The following RHEB variants were observed in gnomAD, a reference collection of about 807,000 sequenced individuals.
The protein encoded by RHEB is GTP-binding protein Rheb.
In RHEB, 2 loss-of-function variants were observed where a neutral mutation model predicts 28.8. The observed-to-expected ratio is 0.07, with a 90% confidence interval of 0.03 to 0.22. The LOEUF (loss-of-function observed/expected upper bound fraction) is 0.22. Ranked by LOEUF, RHEB falls within the 10% of genes least tolerant of loss-of-function variation. The pLI, the probability that RHEB is intolerant of heterozygous loss-of-function variation, is 1.00. For missense variants in RHEB, 76 were observed against 219.9 expected (o/e 0.35, Z 4.14); for synonymous variants, 69 against 77.3 (o/e 0.89, Z 0.56).
At chr7:151,512,158 C>G (rs1011139206) in intron 1 of RHEB, among the ~76,000 whole-genome samples, 4 of 152,204 alleles carry the variant, frequency 2.6e-5, no homozygotes, top group Non-Finnish European at 5.9e-5. Flanking sequence ...CTCTCACTTG[C>G]ACAATCATGT....
In RHEB at chr7:151,468,654, G is replaced by T. The variant is rs948825205; in HGVS notation, c.463-1443C>A. ...GAAAACAGAAGCCACATTCATGAAA[G>T]AACTCCACATCCTCCATCCACCAAG... On this transcript the variant is annotated intron_variant, in intron 7 of 7. Transcript: ENST00000262187. The surrounding 1 kb of genome is among the most constrained non-coding windows in gnomAD (Gnocchi z 4.3). Among the ~76,000 whole-genome samples, 1 of 152,234 alleles carries T rather than the reference G, an allele frequency of 6.6e-6. No individual in the cohort carries two copies. Among genetic ancestry groups the T allele is most frequent in the African/African-American group, 2.4e-5 (1 of 41,472 alleles).
At chr7:151,510,486 T>C (rs1563101740) in intron 1 of RHEB, among the ~76,000 whole-genome samples, 1 of 152,242 alleles carries the variant, frequency 6.6e-6, no homozygotes, top group Admixed American at 6.5e-5. Flanking sequence ...GCATTAAGAT[T>C]GTACCCCATA....
intron 3 of RHEB, 45 bp from the exon 4 acceptor site, chr7:151,477,460 CACAA>C (rs750186971): frequency 8.9e-7 from 1 of 1,125,234 alleles, no homozygotes; most frequent in African/African-American, 1.6e-5. Flanking sequence ...CATATAGCAT[CACAA>C]ACAAACTTTA....
intron 1 of RHEB, among the ~76,000 whole-genome samples, chr7:151,505,746 C>A (rs576063192): frequency 3.9e-5 from 6 of 152,114 alleles, no homozygotes; most frequent in Non-Finnish European, 8.8e-5. Context: ...CTGGGATAAC[C>A]CAAATATCCA....
At chr7:151,498,182 T>C in intron 1 of RHEB, 1 of 1,288,066 alleles carries the variant, frequency 7.8e-7, no homozygotes, top group Non-Finnish European at 1.0e-6. Context: ...TTGAGGAACC[T>C]TCAAGGAAAA....
At chr7:151,489,850 G>GA in intron 2 of RHEB, among the ~76,000 whole-genome samples, 1 of 152,242 alleles carries the variant, frequency 6.6e-6, no homozygotes, top group Non-Finnish European at 1.5e-5. Context: ...ATAAAGACAG[G>GA]AAATGGGCCT....
chr7:151,501,591 A>G (rs1423957942), intron 1 of RHEB, among the ~76,000 whole-genome samples: 1 of 152,208 alleles, frequency 6.6e-6, no homozygotes, highest in African/African-American at 2.4e-5. Context: ...TCTCATTCCT[A>G]AGTATTTATG....
At chr7:151,482,388 G>A (rs562478473) in intron 3 of RHEB, among the ~76,000 whole-genome samples, 2 of 152,284 alleles carry the variant, frequency 1.3e-5, no homozygotes, top group South Asian at 2.1e-4. Context: ...AAGGGCATGA[G>A]CCACCATGCC....
intron 1 of RHEB, among the ~76,000 whole-genome samples, chr7:151,513,968 A>G (rs1245869277): frequency 6.6e-6 from 1 of 152,206 alleles, no homozygotes; most frequent in Non-Finnish European, 1.5e-5. Context: ...CAGAAATAAT[A>G]AAGTTAGAGG....
intron 1 of RHEB, among the ~76,000 whole-genome samples, chr7:151,491,752 G>T (rs1018180506): frequency 8.6e-5 from 13 of 151,608 alleles, no homozygotes; most frequent in African/African-American, 2.7e-4. Context: ...AAAAAAAAGG[G>T]TAATCTGAAA....
At chr7:151,484,634 C>T in intron 3 of RHEB, 103 bp downstream of exon 3, 2 of 826,744 alleles carry the variant, frequency 2.4e-6, no homozygotes, top group Non-Finnish European at 4.1e-6. Context: ...TGCACACAAC[C>T]TGAGGGGTTT....
chr7:151,478,937 A>AT lies in RHEB; in HGVS notation c.193-1523dup, dbSNP rs376624954. 2.8e-3 allele frequency among the ~76,000 whole-genome samples: 412 copies of AT among 146,598 alleles called. 2 individuals carry two copies. The highest frequency in any genetic ancestry group is 8.4e-3 in the African/African-American group (341 of 40,472). On this transcript the variant is annotated intron_variant, in intron 3 of 7. Transcript: ENST00000262187. Reference sequence around the variant, plus strand: ...CGTGTGAGCCACTGCACCCAGTCTGATTTTTTTTTTTTGAGACAGTCTCAT... The same window carrying AT: ...CGTGTGAGCCACTGCACCCAGTCTGATTTTTTTTTTTTTGAGACAGTCTCAT...
chr7:151,508,226 C>T (rs1283785297), intron 1 of RHEB, among the ~76,000 whole-genome samples: 1 of 152,118 alleles, frequency 6.6e-6, no homozygotes, highest in Non-Finnish European at 1.5e-5. Context: ...ATGATCAAAA[C>T]TAGTAATAAC....
At position 151,519,838 on chromosome 7, in the gene RHEB, G is replaced by A. The variant is rs1407278621; in HGVS notation, c.-327C>T. The A allele has an allele frequency of 8.5e-6, 2 of 235,948 alleles. No homozygotes were observed. The highest frequency in any genetic ancestry group is 1.6e-5 in the Non-Finnish European group (2 of 121,782). The allele number at this position is 235,948 out of a possible 1,614,324, so 14.6% of individuals were successfully genotyped here. A position where few individuals can be genotyped will look rare whatever the true frequency, so the allele number is the denominator to read the frequency against. On this transcript the variant is annotated 5_prime_UTR_variant, in exon 1 of 8. Transcript: ENST00000262187. Reference sequence around the variant, plus strand: ...TTTTACTTTAAAGGCAAAAAAAGGGGACGCCGCGATGCCCCCAGAAAAGTC... The same window carrying A: ...TTTTACTTTAAAGGCAAAAAAAGGGAACGCCGCGATGCCCCCAGAAAAGTC...
Position 151,466,795 on chromosome 7 carries a change from T to C in RHEB, c.*324A>G, listed in dbSNP as rs1394056385. The C allele has an allele frequency of 4.0e-6, 1 of 250,228 alleles. No individual in the cohort carries two copies. The highest frequency in any genetic ancestry group is 7.7e-6 in the Non-Finnish European group (1 of 129,602). 15.5% of individuals were successfully genotyped at this position (250,228 alleles called of 1,614,324 possible). A position where few individuals can be genotyped will look rare whatever the true frequency, so the allele number is the denominator to read the frequency against. Reference sequence around the variant, plus strand: ...TACTGAAGCCTAGTTAATAGTAGTGTAACAATATGCATCATTTTGATGATT... The same window carrying C: ...TACTGAAGCCTAGTTAATAGTAGTGCAACAATATGCATCATTTTGATGATT... On this transcript the variant is annotated 3_prime_UTR_variant, in exon 8 of 8. Transcript: ENST00000262187.
intron 1 of RHEB, among the ~76,000 whole-genome samples, chr7:151,497,368 G>A (rs1263103679): frequency 1.3e-5 from 2 of 152,158 alleles, no homozygotes; most frequent in Non-Finnish European, 1.5e-5. Context: ...ATTCCAGAAT[G>A]GAAGTATGAA....
At chr7:151,483,337 C>A (rs1455501499) in intron 3 of RHEB, among the ~76,000 whole-genome samples, 1 of 152,194 alleles carries the variant, frequency 6.6e-6, no homozygotes, top group African/African-American at 2.4e-5. Flanking sequence ...CCAATTTCCC[C>A]AGATTCCAGA....
intron 1 of RHEB, among the ~76,000 whole-genome samples, chr7:151,506,484 G>T (rs1802882345): frequency 6.6e-6 from 1 of 152,024 alleles, no homozygotes; most frequent in Non-Finnish European, 1.5e-5. Flanking sequence ...GCTTTGTGAG[G>T]ATTAAATGAA....
intron 7 of RHEB, among the ~76,000 whole-genome samples, chr7:151,467,586 C>T (rs1452590084): frequency 2.0e-5 from 3 of 152,122 alleles, no homozygotes; most frequent in African/African-American, 7.2e-5. Flanking sequence ...TCCTTTCCTA[C>T]GGGACATACT....
Sources: allele counts gnomAD v4.1 joint callset (sites outside exome capture counted in the v4.1 genomes callset), GRCh38; gene constraint gnomAD v4.1.1; non-coding constraint Gnocchi (gnomAD v3.1); transcripts MANE v1.5; gene names NCBI Gene and HGNC (gene_info 2026-07-23, HGNC 2026-07-21).